Variants in ABCG2 observed in about 807,000 individuals in gnomAD.
ABCG2 encodes the protein broad substrate specificity ATP-binding cassette transporter ABCG2.
ABCG2 carries 80 observed loss-of-function variants against 73.5 expected under a neutral mutation model. That is an observed-to-expected ratio of 1.09 (90% CI 0.91 to 1.31). The LOEUF (loss-of-function observed/expected upper bound fraction) is 1.31. Ranked by LOEUF, ABCG2 falls within the 50% of genes most tolerant of loss-of-function variation. The pLI, the probability that ABCG2 is intolerant of heterozygous loss-of-function variation, is 0.00. For missense variants in ABCG2, 796 were observed against 786.2 expected, an observed-to-expected ratio of 1.01 and a Z score of -0.15; for synonymous variants, 269 against 282.4, an observed-to-expected ratio of 0.95 and a Z score of 0.48.
chr4:88,128,921 A>G (rs1724634045), intron 5 of ABCG2, among the ~76,000 whole-genome samples: 1 of 152,224 alleles, frequency 6.6e-6, no homozygotes, highest in East Asian at 1.9e-4. Context: ...AGTGAAAGAT[A>G]AAATTTTTTA....
At position 88,187,521 on chromosome 4, in the gene ABCG2, G is replaced by A. The variant is rs746883834; in HGVS notation, c.-20+43473C>T. 3.9e-5 allele frequency among the ~76,000 whole-genome samples: 6 copies of A among 152,220 alleles called. No homozygotes were observed. The East Asian group carries it at 5.8e-4, about 15-fold the overall frequency. On this transcript the variant is annotated intron_variant, in intron 1 of 15. Coordinates refer to the ABCG2 transcript ENST00000515655. ...CCAGCTACTCGGGAGGCTGAGGCAG[G>A]AGAATTGCTTGAACCCAGGAGTCAG...
intron 1 of ABCG2, among the ~76,000 whole-genome samples, chr4:88,142,657 A>T (rs1191051035): frequency 6.6e-6 from 1 of 152,166 alleles, no homozygotes; most frequent in African/African-American, 2.4e-5. Flanking sequence ...CGAAAATATT[A>T]AAAAATAGGA....
At chr4:88,189,022 C>CA (rs568474006) in intron 1 of ABCG2, among the ~76,000 whole-genome samples, 84,022 of 151,174 alleles carry the variant, frequency 0.56, 24,180 homozygotes, top group East Asian at 0.99. Context: ...TAAACAACAA[C>CA]AAAAAAAACA....
In ABCG2 at chr4:88,099,247, A is replaced by G. The variant is rs6413443; in HGVS notation, c.1492+77T>C. On this transcript the variant is annotated intron_variant, in intron 12 of 15. Transcript: ENST00000237612. ...GTTTATAGTTTTGAGAACCAAAAATATGCTTGCAAGGTGCAACTGACTTCA... is the reference window on the plus strand; with the variant it reads ...GTTTATAGTTTTGAGAACCAAAAATGTGCTTGCAAGGTGCAACTGACTTCA... The G allele has an allele frequency of 2.6e-3, 3,550 of 1,373,928 alleles. 12 individuals carry two copies. Among genetic ancestry groups the G allele is most frequent in the Middle Eastern group, 3.9e-3 (17 of 4,396 alleles). The allele number at this position is 1,373,928 out of a possible 1,614,324, so 85.1% of individuals were successfully genotyped here. A position where few individuals can be genotyped will look rare whatever the true frequency, so the allele number is the denominator to read the frequency against.
At chr4:88,156,061 G>C (rs1726916220) in intron 1 of ABCG2, among the ~76,000 whole-genome samples, 1 of 151,826 alleles carries the variant, frequency 6.6e-6, no homozygotes, top group African/African-American at 2.4e-5. Context: ...TCTGATGCCA[G>C]AAATCAAGAA....
chr4:88,122,128 C>T (rs1724050151), intron 5 of ABCG2, among the ~76,000 whole-genome samples: 2 of 152,088 alleles, frequency 1.3e-5, no homozygotes, highest in African/African-American at 2.4e-5. Flanking sequence ...TGGTGTATTC[C>T]GGCCCACATA....
At chr4:88,140,091 A>G in intron 1 of ABCG2, 77 bp from the exon 2 acceptor site, 1 of 1,238,112 alleles carries the variant, frequency 8.1e-7, no homozygotes, top group Non-Finnish European at 1.1e-6. Context: ...ATACATTTAA[A>G]ACAAGTCCAT....
intron 7 of ABCG2, among the ~76,000 whole-genome samples, 179 bp downstream of exon 7, chr4:88,117,930 A>G (rs1481012): frequency 0.093 from 14,145 of 152,262 alleles, 957 homozygotes; most frequent in East Asian, 0.3. Context: ...CTAAATAACA[A>G]GCTGGTGCTA....
chr4:88,160,226 A>C (rs1377578981), upstream of ABCG2, among the ~76,000 whole-genome samples: 2 of 151,582 alleles, frequency 1.3e-5, no homozygotes, highest in Middle Eastern at 3.4e-3. Flanking sequence ...TGGGCCACAG[A>C]GTGAGACTCT....
At chr4:88,105,419 C>T (rs1722707358) in intron 10 of ABCG2, among the ~76,000 whole-genome samples, 1 of 152,124 alleles carries the variant, frequency 6.6e-6, no homozygotes, top group South Asian at 2.1e-4. Flanking sequence ...AAGTGTTCTC[C>T]ATACATGAAA....
rs370579434 is a variant in ABCG2 at position 88,106,038 on chromosome 4, T to C, written c.1277+1146A>G. Reference sequence around the variant, plus strand: ...ACGGCCACTGTGGAAGACGGTATAGTAGTTCCTCAAAAAAATTAACAGAAT... The same window carrying C: ...ACGGCCACTGTGGAAGACGGTATAGCAGTTCCTCAAAAAAATTAACAGAAT... On this transcript the variant is annotated intron_variant, in intron 10 of 15. Transcript: ENST00000237612. Among the ~76,000 whole-genome samples, 8 of 152,348 alleles carry C rather than the reference T, an allele frequency of 5.3e-5. No individual in the cohort carries two copies. The South Asian group carries it at 8.3e-4, about 16-fold the overall frequency.
At chr4:88,152,674 A>G (rs1726589309) in intron 1 of ABCG2, among the ~76,000 whole-genome samples, 2 of 152,162 alleles carry the variant, frequency 1.3e-5, no homozygotes, top group African/African-American at 4.8e-5. Context: ...ATCTGGATGT[A>G]TATGTGCAGG....
intron 7 of ABCG2, among the ~76,000 whole-genome samples, chr4:88,115,284 A>ATATATT (rs58774529): frequency 0.032 from 2,302 of 72,368 alleles, 171 homozygotes; most frequent in East Asian, 0.061. Context: ...ATATATATAT[A>ATATATT]ATTTATTTAT....
At chr4:88,131,979 G>T (rs200870018) in intron 3 of ABCG2, 62 bp from the exon 4 acceptor site, 67 of 1,270,856 alleles carry the variant, frequency 5.3e-5, no homozygotes, top group East Asian at 7.4e-5. Context: ...ATGTTGTGGG[G>T]TTTTTTTCCC....
chr4:88,207,990 G>T (rs1486580459), intron 1 of ABCG2, among the ~76,000 whole-genome samples: 1 of 152,080 alleles, frequency 6.6e-6, no homozygotes, highest in East Asian at 1.9e-4. Context: ...TTTTCTTAGG[G>T]CTGTAAATTC....
rs1371812445 is a variant in ABCG2, at chr4:88,091,165, T to C, written c.*1069A>G. ...AGTAGGCTTTTGTGTGCTACAATCT[T>C]CTATTTCTTGACCTGAATTGATGGT... On this transcript the variant is annotated 3_prime_UTR_variant, in exon 16 of 16. Coordinates refer to ENST00000237612, the MANE Select transcript of ABCG2 (RefSeq NM_004827.3). 1 of 152,236 alleles carries C rather than the reference T, an allele frequency of 6.6e-6. No homozygotes were observed. Among genetic ancestry groups the C allele is most frequent in the African/African-American group, 2.4e-5 (1 of 41,462 alleles). The allele number at this position is 152,236 out of a possible 1,614,324, so 9.4% of individuals were successfully genotyped here. A position where few individuals can be genotyped will look rare whatever the true frequency, so the allele number is the denominator to read the frequency against.
chr4:88,154,321 T>G (rs968683763), intron 1 of ABCG2, among the ~76,000 whole-genome samples: 3 of 152,222 alleles, frequency 2.0e-5, no homozygotes, highest in African/African-American at 7.2e-5. Flanking sequence ...AAAGAAGCAT[T>G]AATGATAGAG....
At chr4:88,160,688 A>C (rs992055261), upstream of ABCG2, among the ~76,000 whole-genome samples, 1 of 151,886 alleles carries the variant, frequency 6.6e-6, no homozygotes, top group South Asian at 2.1e-4. Context: ...TTCTCTACTA[A>C]AAATACAAAA....
At chr4:88,095,416 G>T in intron 14 of ABCG2, 104 bp downstream of exon 14, 1 of 1,038,060 alleles carries the variant, frequency 9.6e-7, no homozygotes, top group Non-Finnish European at 1.5e-6. Context: ...TTTCTGGATG[G>T]GAGACTTTCA....
Sources: allele counts gnomAD v4.1 joint callset (sites outside exome capture counted in the v4.1 genomes callset), GRCh38; gene constraint gnomAD v4.1.1; transcripts MANE v1.5; gene names NCBI Gene and HGNC (gene_info 2026-07-23, HGNC 2026-07-21).